Variants in TBCK observed in about 807,000 individuals in gnomAD.
TBCK encodes TBC1 domain containing kinase.
In TBCK, 99 loss-of-function variants were observed where a neutral mutation model predicts 113.4. The ratio of observed to expected loss-of-function variants is 0.87; its 90% CI spans 0.74 to 1.03. TBCK has a LOEUF of 1.03. Ranked by LOEUF, TBCK falls within the 50% of genes least tolerant of loss-of-function variation. The pLI, the probability that TBCK is intolerant of heterozygous loss-of-function variation, is 0.00. For missense variants in TBCK, 1,045 were observed against 1,061.3 expected (o/e 0.98, Z 0.21); for synonymous variants, 369 against 370.8 (o/e 1.00, Z 0.05).
intron 24 of TBCK, among the ~76,000 whole-genome samples, chr4:106,099,159 A>G (rs575515980): frequency 6.6e-6 from 1 of 152,268 alleles, no homozygotes; most frequent in Non-Finnish European, 1.5e-5. Context: ...TACAGTGTAT[A>G]GGTAAATTAC....
intron 25 of TBCK, among the ~76,000 whole-genome samples, chr4:106,069,527 A>G (rs939215148): frequency 2.0e-5 from 3 of 152,158 alleles, no homozygotes; most frequent in African/African-American, 7.2e-5. Context: ...TACCAGTACC[A>G]TGATGTTTTG....
chr4:106,080,313 T>C (rs1029532379), intron 25 of TBCK, among the ~76,000 whole-genome samples: 3 of 151,938 alleles, frequency 2.0e-5, no homozygotes, highest in African/African-American at 7.3e-5. Context: ...AGCATGATAC[T>C]GGTACAGAAA....
chr4:106,082,976 G>A (rs1239229454), intron 25 of TBCK, among the ~76,000 whole-genome samples: 1 of 152,258 alleles, frequency 6.6e-6, no homozygotes, highest in Non-Finnish European at 1.5e-5. Flanking sequence ...AGATACACTT[G>A]CGAACCCATT....
At chr4:106,131,613 C>A (rs1560696794) in intron 23 of TBCK, among the ~76,000 whole-genome samples, 1 of 151,970 alleles carries the variant, frequency 6.6e-6, no homozygotes, top group East Asian at 1.9e-4. Context: ...AACTCCATCT[C>A]AAAAAATAAA....
chr4:106,250,605 G>T (rs776218166), intron 6 of TBCK, 127 bp from the exon 7 acceptor site: 6 of 544,676 alleles, frequency 1.1e-5, no homozygotes, highest in Non-Finnish European at 2.0e-5. Context: ...AGTTTTAATG[G>T]ATTTTTAAAG....
At chr4:106,204,056 T>C (rs912210947) in intron 20 of TBCK, among the ~76,000 whole-genome samples, 6 of 152,144 alleles carry the variant, frequency 3.9e-5, no homozygotes, top group Non-Finnish European at 5.9e-5. Flanking sequence ...TGAATCATGC[T>C]AATAAAAGAA....
chr4:106,153,428 C>T lies in TBCK; in HGVS notation c.2235+17667G>A, dbSNP rs187928607. On this transcript the variant is annotated intron_variant, in intron 23 of 25. Coordinates refer to ENST00000394708, the MANE Select transcript of TBCK (RefSeq NM_001163435.3). ...TCAGAGAACATGCTTGATATTATTT[C>T]GATTTTCTGAATGTTTTAAGATTTG... is the stretch of plus-strand genomic sequence containing the variant. Among the ~76,000 whole-genome samples the T allele has an allele frequency of 5.9e-4, 90 of 152,012 alleles. 3 individuals carry two copies. The highest frequency in any genetic ancestry group is 1.7e-3 in the Admixed American group (26 of 15,250).
chr4:106,219,976 T>G (rs1199943114), intron 19 of TBCK, among the ~76,000 whole-genome samples: 1 of 152,264 alleles, frequency 6.6e-6, no homozygotes, highest in African/African-American at 2.4e-5. Flanking sequence ...TGTTATTTGT[T>G]AAATTTTTAA....
At chr4:106,215,473 C>T (rs1756769688) in intron 19 of TBCK, among the ~76,000 whole-genome samples, 1 of 152,086 alleles carries the variant, frequency 6.6e-6, no homozygotes, top group Non-Finnish European at 1.5e-5. Flanking sequence ...GGATACCAAT[C>T]TCACGTGCAG....
At chr4:106,057,925 T>C (rs552474520) in intron 25 of TBCK, among the ~76,000 whole-genome samples, 2 of 151,898 alleles carry the variant, frequency 1.3e-5, no homozygotes, top group East Asian at 3.9e-4. Context: ...CAAGTTTCCA[T>C]TTGTAGGCAT....
chr4:106,137,696 T>C (rs1225689464), intron 23 of TBCK, among the ~76,000 whole-genome samples: 2 of 140,502 alleles, frequency 1.4e-5, no homozygotes, highest in African/African-American at 5.0e-5. Context: ...AGCTGCATAG[T>C]ATAGCTCTCA....
intron 20 of TBCK, among the ~76,000 whole-genome samples, chr4:106,197,433 A>AT (rs1754392962): frequency 4.1e-5 from 6 of 146,252 alleles, no homozygotes; most frequent in South Asian, 4.4e-4. Context: ...ATATATATAT[A>AT]ATACAAAGTA....
chr4:106,150,221 G>T (rs1486501966), intron 23 of TBCK, among the ~76,000 whole-genome samples: 1 of 152,052 alleles, frequency 6.6e-6, no homozygotes, highest in Admixed American at 6.6e-5. Flanking sequence ...GCGGCAAAAG[G>T]TTAGAATAAT....
At chr4:106,272,497 T>C (rs1579466421) in intron 3 of TBCK, among the ~76,000 whole-genome samples, 1 of 148,314 alleles carries the variant, frequency 6.7e-6, no homozygotes, top group African/African-American at 2.5e-5. Context: ...AATTTTTTTT[T>C]TTTTTTTTTT....
intron 25 of TBCK, among the ~76,000 whole-genome samples, chr4:106,053,462 T>A (rs1735039340): frequency 6.6e-6 from 1 of 151,608 alleles, no homozygotes; most frequent in Non-Finnish European, 1.5e-5. Flanking sequence ...TACACCAATC[T>A]CTCCTGGTTC....
At position 106,235,164 on chromosome 4, in the gene TBCK, T is replaced by C. The variant is rs545984504; in HGVS notation, c.1449+105A>G. 1.3e-4 allele frequency: 83 copies of C among 650,734 alleles called. No homozygotes were observed. In the East Asian group the frequency reaches 2.4e-3, roughly 19 times the overall value. 40.3% of individuals were successfully genotyped at this position (650,734 alleles called of 1,614,324 possible). On this transcript the variant is annotated intron_variant, in intron 15 of 25. Coordinates refer to ENST00000394708, the MANE Select transcript of TBCK (RefSeq NM_001163435.3). ...ATATTCTAATGCTTATATTTTACTA[T>C]ATAATTTTCTAATAACTAGAAAAAT...
intron 23 of TBCK, among the ~76,000 whole-genome samples, chr4:106,147,113 A>G (rs1207132172): frequency 6.6e-6 from 1 of 152,178 alleles, no homozygotes; most frequent in East Asian, 1.9e-4. Flanking sequence ...CTCTATTTCT[A>G]CCACATCTGC....
At chr4:106,251,256 A>G (rs1399631260) in intron 6 of TBCK, 1 of 164,944 alleles carries the variant, frequency 6.1e-6, no homozygotes, top group African/African-American at 2.4e-5. Context: ...TATGTAATGC[A>G]GAATATGCTT....
rs1315119331 is a variant in TBCK, at chr4:106,137,698, T to C, written c.2236-21320A>G. ...ATCATACTCTGAAAGCTGCATAGTA[T>C]AGCTCTCACACTAGAGAGAATCTCC... On this transcript the variant is annotated intron_variant, in intron 23 of 25. Coordinates refer to ENST00000394708, the MANE Select transcript of TBCK (RefSeq NM_001163435.3). 1.4e-5 allele frequency among the ~76,000 whole-genome samples: 2 copies of C among 140,530 alleles called. 1 individual carries two copies. Among genetic ancestry groups the C allele is most frequent in the East Asian group, 4.1e-4 (2 of 4,910 alleles). 92.2% of individuals were successfully genotyped at this position (140,530 alleles called of 152,430 possible). A position where few individuals can be genotyped will look rare whatever the true frequency, so the allele number is the denominator to read the frequency against.
Sources: allele counts gnomAD v4.1 joint callset (sites outside exome capture counted in the v4.1 genomes callset), GRCh38; gene constraint gnomAD v4.1.1; transcripts MANE v1.5; gene names NCBI Gene and HGNC (gene_info 2026-07-23, HGNC 2026-07-21).